The following PTPRD variants were observed in gnomAD, a reference collection of about 807,000 sequenced individuals.
PTPRD encodes the protein receptor-type tyrosine-protein phosphatase delta.
Under a neutral mutation model 214.5 loss-of-function variants are expected in PTPRD, and 34 were observed. The ratio of observed to expected loss-of-function variants is 0.16; its 90% CI spans 0.12 to 0.21. PTPRD has a LOEUF of 0.21. Ranked by LOEUF, PTPRD falls within the 10% of genes least tolerant of loss-of-function variation. The pLI is 1.00. For synonymous variants in PTPRD, 1,128 were observed against 845.7 expected, an observed-to-expected ratio of 1.33 and a Z score of -5.79; for missense variants, 2,545 against 2,398.7, an observed-to-expected ratio of 1.06 and a Z score of -1.27.
At chr9:9,253,762 G>A (rs914327466) in intron 9 of PTPRD, among the ~76,000 whole-genome samples, 97 of 152,082 alleles carry the variant, frequency 6.4e-4, no homozygotes, top group Admixed American at 6.1e-3. Context: ...AAGTCATACT[G>A]TATTTGTTTC....
At chr9:10,322,763 G>A (rs371574115) in intron 3 of PTPRD, among the ~76,000 whole-genome samples, 5 of 152,016 alleles carry the variant, frequency 3.3e-5, no homozygotes, top group East Asian at 3.9e-4. Context: ...GAGACAGCAA[G>A]AAATAGTACA....
intron 7 of PTPRD, among the ~76,000 whole-genome samples, chr9:9,668,088 G>A (rs1244636003): frequency 3.3e-5 from 5 of 152,022 alleles, no homozygotes; most frequent in Non-Finnish European, 4.4e-5. Context: ...CTCAACTGAT[G>A]GTTTGTTAAA....
chr9:10,552,108 A>C (rs1245141546), intron 2 of PTPRD, among the ~76,000 whole-genome samples: 1 of 152,156 alleles, frequency 6.6e-6, no homozygotes, highest in Non-Finnish European at 1.5e-5. Context: ...GTCTCTTTTT[A>C]TTAGTACAAT....
intron 2 of PTPRD, among the ~76,000 whole-genome samples, chr9:10,570,823 A>G (rs2067190369): frequency 6.6e-6 from 1 of 151,662 alleles, no homozygotes; most frequent in Non-Finnish European, 1.5e-5. Flanking sequence ...TTGGCTTACT[A>G]TCTCCTATGT....
At chr9:8,840,163 A>G (rs148490914) in intron 11 of PTPRD, among the ~76,000 whole-genome samples, 21 of 152,334 alleles carry the variant, frequency 1.4e-4, no homozygotes, top group African/African-American at 4.8e-4. Flanking sequence ...ACACATTAGT[A>G]GAACTACCTT....
intron 3 of PTPRD, among the ~76,000 whole-genome samples, chr9:10,229,528 A>T (rs941069593): frequency 4.6e-5 from 7 of 152,102 alleles, no homozygotes; most frequent in Non-Finnish European, 1.0e-4. Flanking sequence ...AGCCACAAAA[A>T]ATGATGAGTT....
intron 11 of PTPRD, among the ~76,000 whole-genome samples, chr9:8,799,053 A>T (rs1451737882): frequency 6.6e-6 from 1 of 152,158 alleles, no homozygotes. Flanking sequence ...ATACTATATT[A>T]ATTTCACATG....
chr9:10,296,374 C>T (rs1410213644), intron 3 of PTPRD, among the ~76,000 whole-genome samples: 4 of 152,034 alleles, frequency 2.6e-5, no homozygotes, highest in Admixed American at 6.6e-5. Context: ...CCTCACCCAG[C>T]CATGCCTCTC....
chr9:9,226,649 A>G (rs760154016), intron 9 of PTPRD, among the ~76,000 whole-genome samples: 1 of 152,072 alleles, frequency 6.6e-6, no homozygotes, highest in African/African-American at 2.4e-5. Flanking sequence ...GATCTTGGGT[A>G]AACAGTTGGA....
At chr9:9,805,521 C>A (rs538490988) in intron 5 of PTPRD, among the ~76,000 whole-genome samples, 1 of 152,096 alleles carries the variant, frequency 6.6e-6, no homozygotes, top group Admixed American at 6.5e-5. Context: ...TCTGAAGGAA[C>A]CCTTTCAGAT....
chr9:9,970,246 C>G (rs1463434649), intron 4 of PTPRD, among the ~76,000 whole-genome samples: 2 of 151,716 alleles, frequency 1.3e-5, no homozygotes, highest in African/African-American at 2.4e-5. Context: ...GTCAGGAGAT[C>G]GAGACCATCC....
At chr9:9,463,622 C>A (rs1209822787) in intron 8 of PTPRD, among the ~76,000 whole-genome samples, 4 of 151,814 alleles carry the variant, frequency 2.6e-5, no homozygotes, top group Non-Finnish European at 5.9e-5. Flanking sequence ...TTTTTAAAAC[C>A]TTCTATTTTT....
At chr9:9,439,066 C>T (rs559895692) in intron 8 of PTPRD, among the ~76,000 whole-genome samples, 2 of 152,116 alleles carry the variant, frequency 1.3e-5, no homozygotes, top group African/African-American at 2.4e-5. Context: ...AACCTCATCT[C>T]ATTCTCTTCT....
intron 10 of PTPRD, 83 bp downstream of exon 10, chr9:9,183,221 T>C (rs1450365357): frequency 6.6e-6 from 1 of 151,980 alleles, no homozygotes; most frequent in Non-Finnish European, 1.5e-5. Context: ...CCAATATTCG[T>C]TGAGTTGAAC....
chr9:9,025,909 ATG>A (rs1466484087), intron 10 of PTPRD, among the ~76,000 whole-genome samples: 2 of 152,042 alleles, frequency 1.3e-5, no homozygotes, highest in Non-Finnish European at 2.9e-5. Flanking sequence ...AACATCTACC[ATG>A]TGTTCTTTTC....
chr9:10,340,880 T>C (rs2096927046), intron 3 of PTPRD, 83 bp downstream of exon 3: 1 of 151,952 alleles, frequency 6.6e-6, no homozygotes, highest in African/African-American at 2.4e-5. Flanking sequence ...TTAAATATTA[T>C]TTCTCAAATG....
chr9:8,682,269 A>G (rs982073958), intron 12 of PTPRD, among the ~76,000 whole-genome samples: 3 of 152,258 alleles, frequency 2.0e-5, no homozygotes, highest in African/African-American at 7.2e-5. Flanking sequence ...AACCTCTTCA[A>G]TGAGACTTCG....
chr9:9,678,593 T>C (rs544014180), intron 7 of PTPRD, among the ~76,000 whole-genome samples: 94 of 152,018 alleles, frequency 6.2e-4, no homozygotes, highest in Admixed American at 1.4e-3. Flanking sequence ...TCATTATTAA[T>C]AGTGAACTAT....
chr9:9,162,754 T>A (rs2154494636), intron 10 of PTPRD, among the ~76,000 whole-genome samples: 1 of 152,188 alleles, frequency 6.6e-6, no homozygotes, highest in East Asian at 1.9e-4. Flanking sequence ...TCCTTACCCC[T>A]TTACGGTCAA....
Sources: gnomAD v4.1 joint callset for allele counts (sites outside exome capture counted in the v4.1 genomes callset) on GRCh38, gnomAD v4.1.1 for gene constraint, MANE v1.5 for transcripts, NCBI Gene and HGNC (gene_info 2026-07-23, HGNC 2026-07-21) for gene names.